Variants in RARB observed in about 807,000 individuals in gnomAD.
RARB encodes HBV-activated protein.
In RARB, 17 loss-of-function variants were observed where a neutral mutation model predicts 51.9. That is an observed-to-expected ratio of 0.33 (90% CI 0.22 to 0.49). The LOEUF is 0.49. RARB is among the 20% of genes least tolerant of loss of function. RARB has a pLI of 0.99. For missense variants in RARB, 369 were observed against 550.8 expected (o/e 0.67, Z 3.30); for synonymous variants, 215 against 195.4 (o/e 1.10, Z -0.84).
intron 3 of RARB, among the ~76,000 whole-genome samples, chr3:25,126,702 C>T (rs1248662417): frequency 6.6e-6 from 1 of 152,156 alleles, no homozygotes; most frequent in Non-Finnish European, 1.5e-5. Flanking sequence ...ACTTTCATCT[C>T]CTGAAAAGCA....
At chr3:25,098,998 A>T (rs1699350258) in intron 3 of RARB, among the ~76,000 whole-genome samples, 1 of 152,116 alleles carries the variant, frequency 6.6e-6, no homozygotes, top group African/African-American at 2.4e-5. Flanking sequence ...TGTAGTATCA[A>T]CCCTGTGAAA....
chr3:25,071,044 A>G (rs144987155), intron 3 of RARB, among the ~76,000 whole-genome samples: 1 of 152,362 alleles, frequency 6.6e-6, no homozygotes, highest in East Asian at 1.9e-4. Context: ...TGCCACAAAG[A>G]GAAACAAGTG....
At chr3:25,189,371 T>G (rs192942298) in intron 5 of RARB, among the ~76,000 whole-genome samples, 128 of 152,244 alleles carry the variant, frequency 8.4e-4, no homozygotes, top group African/African-American at 3.0e-3. Flanking sequence ...GCCAAAGATT[T>G]TTGTAAGCAT....
intron 3 of RARB, among the ~76,000 whole-genome samples, chr3:25,095,814 T>C (rs1699283259): frequency 6.6e-6 from 1 of 152,190 alleles, no homozygotes; most frequent in South Asian, 2.1e-4. Flanking sequence ...TTCACTTTAG[T>C]CACTTGTAGT....
chr3:25,189,863 TG>T (rs1188620352), intron 5 of RARB, among the ~76,000 whole-genome samples: 8 of 152,106 alleles, frequency 5.3e-5, no homozygotes, highest in African/African-American at 7.2e-5. Context: ...CCAGCCTGGA[TG>T]GCAGAATGAC....
At chr3:25,093,445 C>G (rs1369811945) in intron 3 of RARB, among the ~76,000 whole-genome samples, 1 of 151,928 alleles carries the variant, frequency 6.6e-6, no homozygotes, top group Non-Finnish European at 1.5e-5. Context: ...AGGCTTGGGC[C>G]AAACTAACTT....
chr3:25,067,367 CAGAG>C (rs1031492144), intron 3 of RARB, among the ~76,000 whole-genome samples: 1 of 152,114 alleles, frequency 6.6e-6, no homozygotes, highest in African/African-American at 2.4e-5. Flanking sequence ...ATATGATACA[CAGAG>C]AGCATGAGAA....
At chr3:25,098,626 T>A (rs191450866) in intron 3 of RARB, among the ~76,000 whole-genome samples, 229 of 152,278 alleles carry the variant, frequency 1.5e-3, no homozygotes, top group African/African-American at 5.3e-3. Context: ...TAAGGTTTTA[T>A]TAGACACAGC....
chr3:25,498,810 G>A (rs1050996387), intron 2 of RARB, among the ~76,000 whole-genome samples: 1 of 152,186 alleles, frequency 6.6e-6, no homozygotes, highest in African/African-American at 2.4e-5. Context: ...CTCGGCAGAA[G>A]AGCGATGGAG....
chr3:24,850,495 C>T (rs992483617), intron 1 of RARB, among the ~76,000 whole-genome samples: 7 of 152,170 alleles, frequency 4.6e-5, no homozygotes, highest in Admixed American at 2.6e-4. Flanking sequence ...TAAATGTGAA[C>T]AATATTGCAT....
At chr3:24,853,319 A>G (rs1386715387) in intron 1 of RARB, among the ~76,000 whole-genome samples, 1 of 152,092 alleles carries the variant, frequency 6.6e-6, no homozygotes, top group Non-Finnish European at 1.5e-5. Flanking sequence ...TCTATCTTAA[A>G]ATAATAATAA....
At chr3:24,849,203 TA>T (rs1559370692) in intron 1 of RARB, among the ~76,000 whole-genome samples, 1 of 152,184 alleles carries the variant, frequency 6.6e-6, no homozygotes, top group East Asian at 1.9e-4. Context: ...ATTATAACAA[TA>T]TACTGTAAAA....
chr3:25,237,742 C>T (rs1328518437), intron 5 of RARB, among the ~76,000 whole-genome samples: 1 of 152,160 alleles, frequency 6.6e-6, no homozygotes, highest in African/African-American at 2.4e-5. Flanking sequence ...CTCCATTCTA[C>T]TTCCCCTCAA....
intron 2 of RARB, among the ~76,000 whole-genome samples, chr3:24,951,456 A>C (rs1318847339): frequency 6.6e-6 from 1 of 152,184 alleles, no homozygotes. Context: ...TGTAATCCTG[A>C]GAGTGATGTG....
Position 25,500,454 on chromosome 3 carries a change from G to GTTTTTTTTTTTTTTTTTT in RARB, c.307-718_307-701dup, listed in dbSNP as rs753321842. On this transcript the variant is annotated intron_variant, in intron 2 of 7. Transcript: ENST00000330688. ...ATAATTTCTTTTTCTTTCTTTTCTTGTTTTTTTTTTTTTTTTTTTTTTTTT... is the reference window on the plus strand; with the variant it reads ...ATAATTTCTTTTTCTTTCTTTTCTTGTTTTTTTTTTTTTTTTTTTTTTTTTTTTTTTTTTTTTTTTTTT... Among the ~76,000 whole-genome samples, 240 of 66,124 alleles carry GTTTTTTTTTTTTTTTTTT rather than the reference G, an allele frequency of 3.6e-3. 4 individuals are homozygous for GTTTTTTTTTTTTTTTTTT. Among genetic ancestry groups the GTTTTTTTTTTTTTTTTTT allele is most frequent in the Middle Eastern group, 0.02 (2 of 100 alleles). 43.4% of individuals were successfully genotyped at this position (66,124 alleles called of 152,430 possible).
intron 2 of RARB, among the ~76,000 whole-genome samples, chr3:24,998,190 A>G (rs1406364225): frequency 6.6e-6 from 1 of 151,216 alleles, no homozygotes; most frequent in East Asian, 1.9e-4. Context: ...CTATTAGATT[A>G]TTGTAGTTCT....
intron 2 of RARB, among the ~76,000 whole-genome samples, chr3:24,956,630 T>G (rs1159638894): frequency 6.6e-6 from 1 of 152,198 alleles, no homozygotes; most frequent in Non-Finnish European, 1.5e-5. Context: ...ATAGATGTGT[T>G]GACTATTTGC....
chr3:25,495,439 G>A (rs1696974646), intron 2 of RARB, among the ~76,000 whole-genome samples: 1 of 152,136 alleles, frequency 6.6e-6, no homozygotes. Context: ...TTTGATTTTT[G>A]CTTCTTTCTG....
At chr3:24,932,164 A>C (rs1056436169) in intron 2 of RARB, among the ~76,000 whole-genome samples, 1 of 152,062 alleles carries the variant, frequency 6.6e-6, no homozygotes. Flanking sequence ...GATGGGCTTC[A>C]AAGTTCGTCG....
Sources: gnomAD v4.1 joint callset for allele counts (sites outside exome capture counted in the v4.1 genomes callset) on GRCh38, gnomAD v4.1.1 for gene constraint, MANE v1.5 for transcripts, NCBI Gene and HGNC (gene_info 2026-07-23, HGNC 2026-07-21) for gene names.